Variants in PXDNL observed in about 807,000 individuals in gnomAD.
The protein encoded by PXDNL is probable oxidoreductase PXDNL.
A neutral mutation model predicts 150.8 loss-of-function variants in PXDNL; 145 were observed. The observed-to-expected ratio is 0.96, with a 90% CI of 0.84 to 1.10. The LOEUF (loss-of-function observed/expected upper bound fraction) is 1.10. Ranked by LOEUF, PXDNL falls within the 50% of genes least tolerant of loss-of-function variation. The pLI is 0.00. For missense variants in PXDNL, 2,087 were observed against 1,873.9 expected, an observed-to-expected ratio of 1.11 and a Z score of -2.10; for synonymous variants, 757 against 725.7, an observed-to-expected ratio of 1.04 and a Z score of -0.69.
intron 12 of PXDNL, among the ~76,000 whole-genome samples, chr8:51,438,414 T>TG (rs1270192062): frequency 6.6e-6 from 1 of 152,178 alleles, no homozygotes; most frequent in African/African-American, 2.4e-5. Context: ...CTTCAAACTA[T>TG]ACTATAAGGT....
rs1324259934 is a variant in PXDNL at position 51,534,132 on chromosome 8, C to T, written c.380+22708G>A. ...TGAGATGTGGGGAGCACCTCTGCCC[C>T]GCCGCCCTGTCTGGGATGTGAGGAG... On this transcript the variant is annotated intron_variant, in intron 4 of 22. Transcript: ENST00000356297. Among the ~76,000 whole-genome samples, 3 of 142,672 alleles carry T rather than the reference C, an allele frequency of 2.1e-5. 1 individual carries two copies. The highest frequency in any genetic ancestry group is 8.7e-5 in the African/African-American group (3 of 34,576). The allele number at this position is 142,672 out of a possible 152,430, so 93.6% of individuals were successfully genotyped here.
Position 51,409,013 on chromosome 8 carries a change from T to A in PXDNL, c.2611A>T (p.Ser871Cys), listed in dbSNP as rs373830011. Residue 871 changes from serine to cysteine, a missense_variant, in exon 17 of 23, where the codon AGC (serine) becomes TGC (cysteine). Ser to Cys is a moderately radical substitution (Grantham distance 112, BLOSUM62 -1). Transcript: ENST00000356297. ...TCCACCGTCGCAGAGGGACGGCCGC[T>A]GGCACACGCGGGGCTGGAGCGCGCG... The part of the protein sequence containing the change: ...LFARSSPACA[S>C]GRPSATVDSV... 168 of 1,611,070 alleles carry A rather than the reference T, an allele frequency of 1.0e-4. No individual in the cohort carries two copies. The highest frequency in any genetic ancestry group is 1.4e-4 in the Non-Finnish European group (162 of 1,179,822).
In PXDNL at chr8:51,472,167, T is replaced by C. The variant is rs77673093; in HGVS notation, c.812+20A>G. On this transcript the variant is annotated intron_variant, in intron 8 of 22. Transcript: ENST00000356297. ...GAATCAGAAGGAGAATCACAACCCATGTCCATGCTCAGTATTTACTTGTTG... is the reference window on the plus strand; with the variant it reads ...GAATCAGAAGGAGAATCACAACCCACGTCCATGCTCAGTATTTACTTGTTG... 0.015 allele frequency: 22,287 copies of C among 1,489,394 alleles called. 230 individuals carry two copies. The highest frequency in any genetic ancestry group is 0.017 in the Non-Finnish European group (17,847 of 1,068,244). The allele number at this position is 1,489,394 out of a possible 1,614,324, so 92.3% of individuals were successfully genotyped here. A position where few individuals can be genotyped will look rare whatever the true frequency, so the allele number is the denominator to read the frequency against.
intron 17 of PXDNL, among the ~76,000 whole-genome samples, chr8:51,383,418 G>A (rs748082216): frequency 2.0e-4 from 30 of 152,076 alleles, no homozygotes; most frequent in Non-Finnish European, 1.5e-5. Context: ...TGGCATCCGA[G>A]GGCATTGTCC....
At chr8:51,663,087 C>A (rs1563499608) in intron 1 of PXDNL, among the ~76,000 whole-genome samples, 1 of 152,208 alleles carries the variant, frequency 6.6e-6, no homozygotes, top group Non-Finnish European at 1.5e-5. Context: ...CGTTTCAAGG[C>A]AGGTGTTAAC....
intron 1 of PXDNL, among the ~76,000 whole-genome samples, chr8:51,707,910 T>C (rs1242726577): frequency 1.3e-5 from 2 of 152,198 alleles, no homozygotes; most frequent in African/African-American, 4.8e-5. Flanking sequence ...TGCATACATA[T>C]ATATACATGC....
At chr8:51,611,847 G>A (rs978478994) in intron 2 of PXDNL, among the ~76,000 whole-genome samples, 2 of 152,210 alleles carry the variant, frequency 1.3e-5, no homozygotes, top group Non-Finnish European at 2.9e-5. Context: ...AGGAAGGGTG[G>A]GAACTGTCTG....
chr8:51,700,767 TATACACAC>T (rs1277361565), intron 1 of PXDNL, among the ~76,000 whole-genome samples: 3 of 151,310 alleles, frequency 2.0e-5, no homozygotes, highest in East Asian at 1.9e-4. Context: ...CGCACACACA[TATACACAC>T]ATACACACAT....
chr8:51,452,771 G>A (rs1809833225), intron 10 of PXDNL, among the ~76,000 whole-genome samples: 1 of 152,190 alleles, frequency 6.6e-6, no homozygotes, highest in South Asian at 2.1e-4. Context: ...AACGGATCAT[G>A]TAAATTACCG....
intron 12 of PXDNL, among the ~76,000 whole-genome samples, chr8:51,442,634 T>C (rs1809577591): frequency 6.6e-6 from 1 of 152,000 alleles, no homozygotes; most frequent in African/African-American, 2.4e-5. Context: ...TTCTTCTTCC[T>C]AAATCTATTA....
intron 6 of PXDNL, among the ~76,000 whole-genome samples, chr8:51,476,231 T>C (rs1030108225): frequency 6.6e-6 from 1 of 152,238 alleles, no homozygotes; most frequent in Admixed American, 6.5e-5. Flanking sequence ...AAAAGAGTGG[T>C]AGAAGCTTTG....
At chr8:51,745,426 TTAAAAATCCTATCCATCTC>T (rs1446815146) in intron 1 of PXDNL, among the ~76,000 whole-genome samples, 1 of 152,226 alleles carries the variant, frequency 6.6e-6, no homozygotes, top group Non-Finnish European at 1.5e-5. Flanking sequence ...TTGCTTCCAC[TTAAAAATCCTATCCATCTC>T]TCTAGCAAGT....
intron 3 of PXDNL, among the ~76,000 whole-genome samples, chr8:51,567,145 T>G (rs980192255): frequency 8.6e-5 from 13 of 151,982 alleles, no homozygotes; most frequent in Middle Eastern, 3.4e-3. Flanking sequence ...GAACATACTT[T>G]GTATGCTTTC....
At chr8:51,608,704 G>A (rs894739851) in intron 2 of PXDNL, among the ~76,000 whole-genome samples, 1 of 151,406 alleles carries the variant, frequency 6.6e-6, no homozygotes, top group Non-Finnish European at 1.5e-5. Context: ...GGGCGTGGTG[G>A]TGGGTGCCTG....
chr8:51,329,011 A>G (rs1290332528), intron 21 of PXDNL, among the ~76,000 whole-genome samples: 3 of 152,214 alleles, frequency 2.0e-5, no homozygotes, highest in South Asian at 2.1e-4. Context: ...ATCAGGAAAA[A>G]GCCAACAGAA....
At chr8:51,699,682 A>G (rs1476458924) in intron 1 of PXDNL, among the ~76,000 whole-genome samples, 6 of 152,176 alleles carry the variant, frequency 3.9e-5, no homozygotes, top group Non-Finnish European at 8.8e-5. Context: ...AATCATTTCT[A>G]GCTTTTAATT....
intron 2 of PXDNL, among the ~76,000 whole-genome samples, chr8:51,595,830 GAA>G (rs71910215): frequency 0.024 from 3,701 of 151,196 alleles, 146 homozygotes; most frequent in African/African-American, 0.084. Flanking sequence ...AAAACTGTAG[GAA>G]AAAAAAAGAG....
chr8:51,622,538 G>T (rs1423088829), intron 2 of PXDNL, among the ~76,000 whole-genome samples: 1 of 152,148 alleles, frequency 6.6e-6, no homozygotes, highest in Non-Finnish European at 1.5e-5. Flanking sequence ...CTAGAACAAT[G>T]CCTTACACAT....
intron 19 of PXDNL, among the ~76,000 whole-genome samples, chr8:51,369,280 C>T (rs1044957508): frequency 4.6e-5 from 7 of 152,106 alleles, no homozygotes; most frequent in African/African-American, 1.7e-4. Flanking sequence ...AAATGTATAA[C>T]CTACCTGAAA....
Sources: gnomAD v4.1 joint callset for allele counts (sites outside exome capture counted in the v4.1 genomes callset) on GRCh38, gnomAD v4.1.1 for gene constraint, MANE v1.5 for transcripts, NCBI Gene and HGNC (gene_info 2026-07-23, HGNC 2026-07-21) for gene names.